The following DACH2 variants were observed in gnomAD, a reference collection of about 807,000 sequenced individuals.
DACH2 encodes dachshund homolog 2.
DACH2 carries 17 observed loss-of-function variants against 35.8 expected under a neutral mutation model. The observed-to-expected ratio is 0.48, with a 90% CI of 0.33 to 0.71. The LOEUF is 0.71. Ranked by LOEUF, DACH2 falls within the 30% of genes least tolerant of loss-of-function variation. The probability of loss-of-function intolerance (pLI) is 0.02; values close to 1 mark genes in which losing one functional copy is unlikely to be tolerated. For synonymous variants in DACH2, 195 were observed against 177.3 expected, an observed-to-expected ratio of 1.10 and a Z score of -0.79; for missense variants, 469 against 472.7, an observed-to-expected ratio of 0.99 and a Z score of 0.07.
chrX:86,557,218 A>G (rs1029081143), intron 3 of DACH2, among the ~76,000 whole-genome samples: 1 of 111,417 alleles, frequency 9.0e-6, no homozygotes, highest in Non-Finnish European at 1.9e-5. Context: ...TTACTGATTC[A>G]AATGCTAAAC....
chrX:86,220,023 G>A (rs1317783537), intron 1 of DACH2, among the ~76,000 whole-genome samples: 5 of 84,090 alleles, frequency 5.9e-5, no homozygotes, highest in Admixed American at 4.3e-4. Flanking sequence ...AAAAAAGGCC[G>A]GGCGTGGTGG....
intron 2 of DACH2, among the ~76,000 whole-genome samples, chrX:86,439,116 G>A (rs1394556009): frequency 9.0e-6 from 1 of 111,598 alleles, no homozygotes; most frequent in African/African-American, 3.2e-5. Flanking sequence ...ATCTCATTGT[G>A]GTTTTGAATT....
At chrX:86,162,815 A>C (rs1463711102) in intron 1 of DACH2, among the ~76,000 whole-genome samples, 1 of 111,494 alleles carries the variant, frequency 9.0e-6, no homozygotes, top group Non-Finnish European at 1.9e-5. Context: ...CTAGCTTGCC[A>C]TAACACATTT....
chrX:86,230,737 A>T (rs1471220302), intron 1 of DACH2, among the ~76,000 whole-genome samples: 4 of 111,420 alleles, frequency 3.6e-5, no homozygotes, highest in Admixed American at 9.5e-5. Flanking sequence ...CCAGGAATTT[A>T]TCCACCTCTT....
At chrX:86,419,488 T>A (rs1305035657) in intron 2 of DACH2, among the ~76,000 whole-genome samples, 1 of 111,264 alleles carries the variant, frequency 9.0e-6, no homozygotes, top group Non-Finnish European at 1.9e-5. Flanking sequence ...TTTAAAACCA[T>A]CAGATCTCGT....
intron 1 of DACH2, among the ~76,000 whole-genome samples, chrX:86,376,149 G>A (rs868293130): frequency 3.2e-5 from 3 of 93,988 alleles, no homozygotes; most frequent in Non-Finnish European, 6.3e-5. Flanking sequence ...GTGTGTGTGT[G>A]TATGTGTGTG....
intron 3 of DACH2, among the ~76,000 whole-genome samples, chrX:86,555,353 G>C (rs1051258645): frequency 9.0e-6 from 1 of 111,602 alleles, no homozygotes; most frequent in Non-Finnish European, 1.9e-5. Flanking sequence ...ATGTTCTCAG[G>C]AGTTAATGTT....
chrX:86,184,423 G>T, intron 1 of DACH2: 1 of 118,750 alleles, frequency 8.4e-6, no homozygotes, highest in Non-Finnish European at 1.8e-5. Context: ...TGGCCGGGCT[G>T]GTCTTGAACT....
chrX:86,219,215 A>G (rs757033139), intron 1 of DACH2, among the ~76,000 whole-genome samples: 13 of 111,848 alleles, frequency 1.2e-4, no homozygotes, highest in Non-Finnish European at 1.5e-4. Context: ...TATCAACTTC[A>G]CAGAAGAGGG....
intron 2 of DACH2, among the ~76,000 whole-genome samples, chrX:86,388,090 A>G (rs1470572751): frequency 8.9e-6 from 1 of 111,789 alleles, no homozygotes; most frequent in Non-Finnish European, 1.9e-5. Flanking sequence ...TGGTGATGTA[A>G]AATTCCTGCT....
intron 3 of DACH2, among the ~76,000 whole-genome samples, chrX:86,535,936 C>T (rs1415940693): frequency 9.0e-6 from 1 of 111,245 alleles, no homozygotes; most frequent in African/African-American, 3.3e-5. Flanking sequence ...TTTTATCTAC[C>T]TTATGACCTT....
intron 1 of DACH2, among the ~76,000 whole-genome samples, chrX:86,298,830 T>C (rs2034518510): frequency 1.8e-5 from 2 of 112,137 alleles, no homozygotes; most frequent in Non-Finnish European, 3.8e-5. Context: ...TATTCATATT[T>C]CTTTTTGTTT....
At chrX:86,201,287 AG>A (rs1272439275) in intron 1 of DACH2, among the ~76,000 whole-genome samples, 1 of 39,802 alleles carries the variant, frequency 2.5e-5, no homozygotes, top group East Asian at 9.0e-4. Flanking sequence ...GGTCTTCTTG[AG>A]GGGGGTGGGT....
chrX:86,396,635 T>A (rs1472507979), intron 2 of DACH2, among the ~76,000 whole-genome samples: 1 of 110,162 alleles, frequency 9.1e-6, no homozygotes, highest in Non-Finnish European at 1.9e-5. Flanking sequence ...GCACCATTTA[T>A]TAAATAGGGG....
At chrX:86,804,822 C>CATG (rs1350915166) in intron 7 of DACH2, among the ~76,000 whole-genome samples, 2 of 112,601 alleles carry the variant, frequency 1.8e-5, no homozygotes, top group East Asian at 5.7e-4. Context: ...CCTTTGACTT[C>CATG]ATGTCTCACA....
Position 86,568,899 on chromosome X carries a change from G to A in DACH2, c.640+54508G>A, listed in dbSNP as rs758692131. On this transcript the variant is annotated intron_variant, in intron 3 of 11. Transcript: ENST00000373125. ...ATTGATTTGGGAAGAAATTCGTTAC[G>A]TCTGTCTTGATCACTTCCGATTTCA... 6.3e-5 allele frequency among the ~76,000 whole-genome samples: 7 copies of A among 111,438 alleles called. 1 individual carries two copies. In the Middle Eastern group the frequency reaches 0.014, roughly 222 times the overall value.
intron 2 of DACH2, among the ~76,000 whole-genome samples, chrX:86,423,012 A>G (rs1427264891): frequency 1.8e-5 from 2 of 111,390 alleles, no homozygotes; most frequent in East Asian, 2.8e-4. Flanking sequence ...CATTCTTTTT[A>G]TGGCTGAAAA....
At position 86,561,917 on chromosome X, in the gene DACH2, AAAAG is replaced by A. The variant is rs1213191504; in HGVS notation, c.640+47528_640+47531del. 2.8e-3 allele frequency among the ~76,000 whole-genome samples: 287 copies of A among 101,535 alleles called. 2 individuals are homozygous for A. Among genetic ancestry groups the A allele is most frequent in the African/African-American group, 9.7e-3 (268 of 27,512 alleles). 88.2% of individuals were successfully genotyped at this position (101,535 alleles called of 115,157 possible). A position where few individuals can be genotyped will look rare whatever the true frequency, so the allele number is the denominator to read the frequency against. On this transcript the variant is annotated intron_variant, in intron 3 of 11. Transcript: ENST00000373125. Reference sequence around the variant, plus strand: ...AAGTAGAATTAAAAAAAAAAAAAAAAAAAGAGAATTCAGCAAGGATTCAGGATGC... The same window carrying A: ...AAGTAGAATTAAAAAAAAAAAAAAAAAGAATTCAGCAAGGATTCAGGATGC...
rs970965377 is a variant in DACH2 at position 86,462,287 on chromosome X, A to G, written c.528-51992A>G. Among the ~76,000 whole-genome samples, 10 of 111,963 alleles carry G rather than the reference A, an allele frequency of 8.9e-5. 1 individual carries two copies. The highest frequency in any genetic ancestry group is 2.9e-4 in the Admixed American group (3 of 10,494). ...TCTCTTTGATGCATTTTTATATAAA[A>G]CAAATATTATTGTTAGGCTAGAGCA... is the stretch of plus-strand genomic sequence containing the variant. On this transcript the variant is annotated intron_variant, in intron 2 of 11. Transcript: ENST00000373125.
Sources: allele counts gnomAD v4.1 joint callset (sites outside exome capture counted in the v4.1 genomes callset), GRCh38; gene constraint gnomAD v4.1.1; transcripts MANE v1.5; gene names NCBI Gene and HGNC (gene_info 2026-07-23, HGNC 2026-07-21).